KLHDC10: variants seen among roughly 807,000 people sequenced by gnomAD.
KLHDC10 encodes kelch domain-containing protein 10.
Under a neutral mutation model 56.1 loss-of-function variants are expected in KLHDC10, and 24 were observed. That is an observed-to-expected ratio of 0.43 (90% CI 0.31 to 0.60). The LOEUF is 0.60. Among genes scored for constraint, KLHDC10 ranks in the 20% least tolerant of loss-of-function variants. The probability of loss-of-function intolerance (pLI) is 0.11; values close to 1 mark genes in which losing one functional copy is unlikely to be tolerated. For missense variants in KLHDC10, 349 were observed against 567.0 expected, an observed-to-expected ratio of 0.62 and a Z score of 3.91; for synonymous variants, 188 against 207.1, an observed-to-expected ratio of 0.91 and a Z score of 0.79.
At chr7:130,093,431 G>A (rs1486850830) in intron 1 of KLHDC10, among the ~76,000 whole-genome samples, 2 of 152,020 alleles carry the variant, frequency 1.3e-5, no homozygotes, top group African/African-American at 4.8e-5. Context: ...TCACCATGTT[G>A]GCCAGGCTGG....
chr7:130,092,109 C>T (rs969435058), intron 1 of KLHDC10, among the ~76,000 whole-genome samples: 1 of 152,224 alleles, frequency 6.6e-6, no homozygotes, highest in African/African-American at 2.4e-5. Context: ...TTTGGACTCT[C>T]AATTTCATTA....
intron 1 of KLHDC10, among the ~76,000 whole-genome samples, chr7:130,094,107 G>A (rs1478963896): frequency 2.0e-5 from 3 of 151,844 alleles, no homozygotes; most frequent in African/African-American, 7.3e-5. Context: ...TATATTTTTA[G>A]TAGAGATGGG....
chr7:130,073,442 G>A (rs892751348), intron 1 of KLHDC10, among the ~76,000 whole-genome samples: 4 of 151,700 alleles, frequency 2.6e-5, no homozygotes, highest in Non-Finnish European at 2.9e-5. Flanking sequence ...TTAGAGGTGC[G>A]GGCCACCACG....
chr7:130,107,568 G>T (rs1796026181), intron 2 of KLHDC10, among the ~76,000 whole-genome samples: 1 of 152,106 alleles, frequency 6.6e-6, no homozygotes, highest in Non-Finnish European at 1.5e-5. Flanking sequence ...GGGCGACCAG[G>T]TGCCATGGTT....
intron 1 of KLHDC10, among the ~76,000 whole-genome samples, chr7:130,079,484 T>C (rs184505493): frequency 6.6e-6 from 1 of 152,264 alleles, no homozygotes; most frequent in East Asian, 1.9e-4. Flanking sequence ...ATTATTGTGG[T>C]AGATTGTATT....
chr7:130,087,633 G>A (rs1015943248), intron 1 of KLHDC10, among the ~76,000 whole-genome samples: 4 of 152,022 alleles, frequency 2.6e-5, no homozygotes, highest in East Asian at 1.9e-4. Context: ...TCAACAAACT[G>A]TCAACTCAAT....
At chr7:130,103,647 C>T (rs1023378686) in intron 2 of KLHDC10, among the ~76,000 whole-genome samples, 1 of 152,116 alleles carries the variant, frequency 6.6e-6, no homozygotes, top group Non-Finnish European at 1.5e-5. Context: ...AAGATAAATG[C>T]CTTCAGTGTT....
At chr7:130,089,050 A>T (rs1795733625) in intron 1 of KLHDC10, among the ~76,000 whole-genome samples, 1 of 152,178 alleles carries the variant, frequency 6.6e-6, no homozygotes, top group Non-Finnish European at 1.5e-5. Context: ...ATTCACATCG[A>T]TACATATAAA....
intron 1 of KLHDC10, among the ~76,000 whole-genome samples, chr7:130,075,750 C>A (rs1298603731): frequency 1.3e-5 from 2 of 152,138 alleles, no homozygotes; most frequent in Non-Finnish European, 2.9e-5. Context: ...TGTCAAATTT[C>A]AAGTTTATGT....
intron 2 of KLHDC10, among the ~76,000 whole-genome samples, chr7:130,111,246 G>T (rs559038405): frequency 1.3e-5 from 2 of 152,128 alleles, no homozygotes; most frequent in East Asian, 1.9e-4. Flanking sequence ...GAAATTATTC[G>T]AAACAAATGA....
chr7:130,105,610 A>G (rs551597129), intron 2 of KLHDC10, among the ~76,000 whole-genome samples: 3 of 152,318 alleles, frequency 2.0e-5, no homozygotes, highest in Non-Finnish European at 4.4e-5. Flanking sequence ...GGTATAATAA[A>G]GCTATAAAAA....
At chr7:130,082,022 T>C (rs566296140) in intron 1 of KLHDC10, among the ~76,000 whole-genome samples, 1 of 152,320 alleles carries the variant, frequency 6.6e-6, no homozygotes, top group South Asian at 2.1e-4. Flanking sequence ...AATTAAAATT[T>C]GGATAATGGG....
intron 8 of KLHDC10, among the ~76,000 whole-genome samples, chr7:130,129,045 C>G (rs1007137633): frequency 2.6e-5 from 4 of 151,596 alleles, no homozygotes; most frequent in African/African-American, 9.7e-5. Flanking sequence ...TAGGACCGAA[C>G]AGCTGGGGCT....
At chr7:130,118,000 C>T (rs911053148) in intron 3 of KLHDC10, among the ~76,000 whole-genome samples, 5 of 151,524 alleles carry the variant, frequency 3.3e-5, no homozygotes, top group Middle Eastern at 3.4e-3. Flanking sequence ...CCTGTCTCTA[C>T]AAAAAACACA....
At chr7:130,119,028 G>A (rs895569344) in intron 3 of KLHDC10, among the ~76,000 whole-genome samples, 34 of 150,134 alleles carry the variant, frequency 2.3e-4, no homozygotes, top group African/African-American at 8.4e-4. Flanking sequence ...CCTGGGCAAT[G>A]TAGCAAGACC....
chr7:130,130,607 A>G lies in KLHDC10; in HGVS notation c.1190A>G (p.Lys397Arg). The change falls in exon 10 of 10, where the codon AAG becomes AGG. Residue 397 changes from lysine (K) to arginine (R), a missense_variant. Lys to Arg is a conservative substitution (Grantham distance 26). Transcript: ENST00000335420. This position sits in a 1 kb window ranked among gnomAD's most constrained non-coding sequence, Gnocchi z 4.2. ...AACAAACGGACTGGGTCATTGTTTA[A>G]GATCTGGCTGGTGGTACCTAGCCTG... ...HENKRTGSLF[K>R]IWLVVPSLLE... is the part of the protein sequence containing the mutation. 1.2e-6 allele frequency: 2 copies of G among 1,614,142 alleles called. No individual in the cohort carries two copies. The highest frequency in any genetic ancestry group is 8.5e-7 in the Non-Finnish European group (1 of 1,180,022).
chr7:130,070,595 G>A lies in KLHDC10; in HGVS notation c.-49G>A. The A allele has an allele frequency of 2.3e-6, 3 of 1,286,452 alleles. No homozygotes were observed. Among genetic ancestry groups the A allele is most frequent in the Non-Finnish European group, 3.0e-6 (3 of 1,012,904 alleles). The allele number at this position is 1,286,452 out of a possible 1,614,324, so 79.7% of individuals were successfully genotyped here. On this transcript the variant is annotated 5_prime_UTR_variant, in exon 1 of 10. Transcript: ENST00000335420. The stretch of plus-strand genomic sequence containing the variant: ...CCAGGAAGGAGGCTCCGCTGGTTCC[G>A]CTGGGTCAGGCGCTGACGGGACCGG...
At chr7:130,128,890 ATAT>A (rs1246596488) in intron 8 of KLHDC10, among the ~76,000 whole-genome samples, 1,995 of 44,866 alleles carry the variant, frequency 0.044, 81 homozygotes, top group Middle Eastern at 0.14. Context: ...AAAAAAAAAA[ATAT>A]ATATATATAT....
intron 8 of KLHDC10, among the ~76,000 whole-genome samples, chr7:130,128,602 G>T (rs909857835): frequency 6.6e-6 from 1 of 151,992 alleles, no homozygotes; most frequent in African/African-American, 2.4e-5. Flanking sequence ...TGAAGTGAAC[G>T]TTCCTCCTCA....
Sources: gnomAD v4.1 joint callset for allele counts (sites outside exome capture counted in the v4.1 genomes callset) on GRCh38, gnomAD v4.1.1 for gene constraint, Gnocchi (gnomAD v3.1) non-coding constraint, MANE v1.5 for transcripts, NCBI Gene and HGNC (gene_info 2026-07-23, HGNC 2026-07-21) for gene names.